The following SPECC1 variants were observed in gnomAD, a reference collection of about 807,000 sequenced individuals.
SPECC1 encodes the protein cytospin-B.
A neutral mutation model predicts 104.1 loss-of-function variants in SPECC1; 62 were observed. The observed-to-expected ratio is 0.60, with a 90% CI of 0.49 to 0.74. The LOEUF is 0.74. Ranked by LOEUF, SPECC1 falls within the 30% of genes least tolerant of loss-of-function variation. The probability of loss-of-function intolerance (pLI) is 0.00; values close to 1 mark genes in which losing one functional copy is unlikely to be tolerated. For synonymous variants in SPECC1, 513 were observed against 501.6 expected (o/e 1.02, Z -0.30); for missense variants, 1,306 against 1,310.5 (o/e 1.00, Z 0.05).
intron 14 of SPECC1, among the ~76,000 whole-genome samples, chr17:20,308,358 C>T (rs1329728318): frequency 7.3e-6 from 1 of 136,242 alleles, no homozygotes; most frequent in African/African-American, 2.8e-5. Context: ...CATTGCACTC[C>T]AGCCTGGGTG....
intron 4 of SPECC1, among the ~76,000 whole-genome samples, chr17:20,221,149 T>C (rs528627192): frequency 6.6e-6 from 1 of 152,334 alleles, no homozygotes; most frequent in South Asian, 2.1e-4. Flanking sequence ...TTTCTTTGTC[T>C]GGTTTTGTTA....
At chr17:20,266,548 C>T (rs1319968973) in intron 12 of SPECC1, among the ~76,000 whole-genome samples, 1 of 152,182 alleles carries the variant, frequency 6.6e-6, no homozygotes, top group African/African-American at 2.4e-5. Context: ...AGCGCCACTG[C>T]ACTCCAGCCT....
chr17:20,040,045 T>C lies in SPECC1; in HGVS notation c.-22+30621T>C, dbSNP rs575875895. On this transcript the variant is annotated intron_variant, in intron 1 of 14. Coordinates refer to ENST00000395527, the MANE Select transcript of SPECC1 (RefSeq NM_001243439.2). ...TTTCTCTTTTTGTCTTGTCTTCCTGTAGAGTATTTGAATATTTTTTAGAAT... is the reference window on the plus strand; with the variant it reads ...TTTCTCTTTTTGTCTTGTCTTCCTGCAGAGTATTTGAATATTTTTTAGAAT... Among the ~76,000 whole-genome samples, 3 of 152,268 alleles carry C rather than the reference T, an allele frequency of 2.0e-5. No individual in the cohort carries two copies. The South Asian group carries it at 6.2e-4, about 32-fold the overall frequency.
intron 1 of SPECC1, among the ~76,000 whole-genome samples, chr17:20,012,889 TG>T (rs2043990660): frequency 1.3e-5 from 2 of 152,336 alleles, no homozygotes; most frequent in Non-Finnish European, 2.9e-5. Flanking sequence ...TTCTGCTTTT[TG>T]TCTCTATGAA....
At chr17:20,258,654 C>T (rs1157677669) in intron 11 of SPECC1, among the ~76,000 whole-genome samples, 6 of 152,184 alleles carry the variant, frequency 3.9e-5, no homozygotes, top group Non-Finnish European at 7.4e-5. Flanking sequence ...TAGTTTCTGC[C>T]TTTGTAATAG....
At chr17:20,276,279 G>A (rs954265405) in intron 12 of SPECC1, among the ~76,000 whole-genome samples, 9 of 151,902 alleles carry the variant, frequency 5.9e-5, no homozygotes, top group Non-Finnish European at 1.3e-4. Flanking sequence ...ACCACACCTG[G>A]CTAATTCTTT....
chr17:20,081,979 A>G (rs1054845523), intron 1 of SPECC1, among the ~76,000 whole-genome samples: 22 of 152,176 alleles, frequency 1.4e-4, no homozygotes, highest in Non-Finnish European at 7.4e-5. Flanking sequence ...CTTCCATCAC[A>G]GATGATACTG....
At chr17:20,234,621 G>C (rs554926264) in intron 7 of SPECC1, among the ~76,000 whole-genome samples, 1 of 152,174 alleles carries the variant, frequency 6.6e-6, no homozygotes, top group African/African-American at 2.4e-5. Context: ...GTCATTCTTG[G>C]TTCAGCCACA....
intron 1 of SPECC1, among the ~76,000 whole-genome samples, chr17:20,038,513 C>T (rs1428560646): frequency 2.0e-5 from 3 of 151,310 alleles, no homozygotes; most frequent in African/African-American, 4.9e-5. Context: ...GATTCTCCTA[C>T]CTCAGCCTCC....
chr17:20,024,255 C>T (rs1474630795), intron 1 of SPECC1, among the ~76,000 whole-genome samples: 1 of 152,204 alleles, frequency 6.6e-6, no homozygotes, highest in Non-Finnish European at 1.5e-5. Flanking sequence ...GGTTGTACAG[C>T]GTGGCTGAGT....
rs75402668 is a variant in SPECC1, at chr17:20,316,185, C to T, written c.*2120C>T. ...TTGAAGCATTTTTTTTTTATTAACC[C>T]TGTACTTCTTCTTTGCCCACCATTA... is the stretch of plus-strand genomic sequence containing the variant. On this transcript the variant is annotated 3_prime_UTR_variant, in exon 15 of 15. Transcript: ENST00000395527. 0.022 allele frequency: 4,985 copies of T among 231,090 alleles called. 214 individuals are homozygous for T. Among genetic ancestry groups the T allele is most frequent in the African/African-American group, 0.094 (4,243 of 45,224 alleles). 14.3% of individuals were successfully genotyped at this position (231,090 alleles called of 1,614,324 possible). A position where few individuals can be genotyped will look rare whatever the true frequency, so the allele number is the denominator to read the frequency against.
At chr17:20,088,482 C>G (rs995357144) in intron 1 of SPECC1, among the ~76,000 whole-genome samples, 1 of 152,102 alleles carries the variant, frequency 6.6e-6, no homozygotes, top group Admixed American at 6.6e-5. Flanking sequence ...CTAGGAGTTC[C>G]AGAAGAGAGA....
intron 4 of SPECC1, among the ~76,000 whole-genome samples, chr17:20,208,460 A>G (rs1054516522): frequency 5.9e-5 from 9 of 152,242 alleles, no homozygotes; most frequent in African/African-American, 2.2e-4. Context: ...TATCTCTACC[A>G]CAGACTATCA....
chr17:20,169,315 G>C (rs965490726), intron 3 of SPECC1, among the ~76,000 whole-genome samples: 2 of 152,218 alleles, frequency 1.3e-5, no homozygotes, highest in African/African-American at 2.4e-5. Context: ...AGAGGCACTG[G>C]TGTTGATGTG....
intron 3 of SPECC1, among the ~76,000 whole-genome samples, chr17:20,202,034 C>T (rs1426613823): frequency 1.3e-5 from 2 of 152,174 alleles, no homozygotes; most frequent in African/African-American, 4.8e-5. Flanking sequence ...ATAAAATATA[C>T]ACAAATCTAT....
chr17:20,159,857 G>T (rs925290691), intron 3 of SPECC1, among the ~76,000 whole-genome samples: 1 of 152,158 alleles, frequency 6.6e-6, no homozygotes, highest in African/African-American at 2.4e-5. Flanking sequence ...GGGCTGCTGG[G>T]CATGGTTGTG....
At chr17:20,110,717 C>T (rs768802656) in intron 3 of SPECC1, among the ~76,000 whole-genome samples, 155 bp downstream of exon 3, 97 of 152,114 alleles carry the variant, frequency 6.4e-4, no homozygotes, top group Non-Finnish European at 1.1e-3. Context: ...GATGTCGCTG[C>T]CCACAGGGAG....
intron 11 of SPECC1, 110 bp downstream of exon 11, chr17:20,257,717 A>T (rs2039885009): frequency 3.6e-6 from 5 of 1,400,678 alleles, no homozygotes; most frequent in Non-Finnish European, 4.8e-6. Context: ...TATTTCCTGC[A>T]TGAAAATGAC....
chr17:20,012,347 T>C (rs933278374), intron 1 of SPECC1, among the ~76,000 whole-genome samples: 1 of 152,076 alleles, frequency 6.6e-6, no homozygotes, highest in African/African-American at 2.4e-5. Context: ...GAGAGTTGTA[T>C]TGAAGACTCC....
Sources: gnomAD v4.1 joint callset for allele counts (sites outside exome capture counted in the v4.1 genomes callset) on GRCh38, gnomAD v4.1.1 for gene constraint, MANE v1.5 for transcripts, NCBI Gene and HGNC (gene_info 2026-07-23, HGNC 2026-07-21) for gene names.